Variants in OSBPL9 observed in about 807,000 individuals in gnomAD.
OSBPL9 encodes the protein oxysterol-binding protein-related protein 9.
Under a neutral mutation model 106.6 loss-of-function variants are expected in OSBPL9, and 40 were observed. The ratio of observed to expected loss-of-function variants is 0.38; its 90% confidence interval spans 0.29 to 0.49. The LOEUF is 0.49. Ranked by LOEUF, OSBPL9 falls within the 20% of genes least tolerant of loss-of-function variation. The pLI is 0.97. For synonymous variants in OSBPL9, 269 were observed against 295.4 expected, an observed-to-expected ratio of 0.91 and a Z score of 0.92; for missense variants, 609 against 887.2, an observed-to-expected ratio of 0.69 and a Z score of 3.98.
chr1:51,533,953 T>C, the OSBPL9 span, among the ~76,000 whole-genome samples: 1 of 150,072 alleles, frequency 6.7e-6, no homozygotes, highest in African/African-American at 2.5e-5. Context: ...ACACGTGTAA[T>C]CCCAGCACTT....
intron 2 of OSBPL9, among the ~76,000 whole-genome samples, chr1:51,656,143 T>C (rs564861909): frequency 6.6e-4 from 101 of 152,324 alleles, no homozygotes; most frequent in South Asian, 1.4e-3. Flanking sequence ...GACCTGGGGC[T>C]GAATTTTACT....
At chr1:51,749,593 G>T in intron 7 of OSBPL9, 1 of 358,132 alleles carries the variant, frequency 2.8e-6, no homozygotes. Flanking sequence ...TTACAGGTGT[G>T]AATCACCATA....
chr1:51,749,557 T>C (rs1196546203), intron 7 of OSBPL9: 1 of 405,814 alleles, frequency 2.5e-6, no homozygotes, highest in Admixed American at 2.4e-5. Flanking sequence ...GCGATCCTCC[T>C]TCCTTGGCCT....
At chr1:51,594,535 AC>A (rs1331509439) in intron 1 of OSBPL9, among the ~76,000 whole-genome samples, 1 of 152,224 alleles carries the variant, frequency 6.6e-6, no homozygotes, top group African/African-American at 2.4e-5. Context: ...AGGAGAAGGA[AC>A]AAACGTTTAC....
intron 3 of OSBPL9, among the ~76,000 whole-genome samples, chr1:51,691,272 A>ATTTTTTT (rs1358388118): frequency 6.9e-6 from 1 of 145,542 alleles, no homozygotes; most frequent in Non-Finnish European, 1.5e-5. Flanking sequence ...GCTTGCTGTA[A>ATTTTTTT]CTTTTTTTTT....
rs762419193 is a variant in OSBPL9, at chr1:51,782,599, A to T, written c.1469A>T (p.Asn490Ile). 6.2e-7 allele frequency: 1 copy of T among 1,614,112 alleles called. No individual in the cohort carries two copies. The highest frequency in any genetic ancestry group is 8.5e-7 in the Non-Finnish European group (1 of 1,179,982). The change falls in exon 17 of 24, where the codon AAC (asparagine) becomes ATC (isoleucine). Residue 490 changes from asparagine to isoleucine, a missense_variant. By Grantham distance (149) the Asn-to-Ile change is moderately radical. Coordinates refer to ENST00000428468, the MANE Select transcript of OSBPL9 (RefSeq NM_024586.6). Reference protein sequence around the residue: ...SEGPVPWVSKNSVTFVAEQVS... With the variant: ...SEGPVPWVSKISVTFVAEQVS... The stretch of plus-strand genomic sequence containing the variant: ...GGACCAGTTCCCTGGGTTTCCAAAA[A>T]CAGTGTAACATTTGTGGCTGAGCAG...
Position 51,617,288 on chromosome 1 carries a change from C to G in OSBPL9, c.111+67C>G. The G allele has an allele frequency of 2.7e-6, 4 of 1,487,396 alleles. No homozygotes were observed. The South Asian group carries it at 5.0e-5, about 18-fold the overall frequency. 92.1% of individuals were successfully genotyped at this position (1,487,396 alleles called of 1,614,324 possible). A position where few individuals can be genotyped will look rare whatever the true frequency, so the allele number is the denominator to read the frequency against. The stretch of plus-strand genomic sequence containing the variant: ...CGTTTCCTGGGTGGAGGTGGGGGAC[C>G]GGGGTTTTAGGTGGCTGAGTTGAGG... On this transcript the variant is annotated intron_variant, in intron 1 of 23. Coordinates refer to ENST00000428468, the MANE Select transcript of OSBPL9 (RefSeq NM_024586.6).
intron 20 of OSBPL9, 135 bp from the exon 21 acceptor site, chr1:51,785,673 T>A (rs1677443220): frequency 2.9e-6 from 2 of 683,318 alleles, no homozygotes; most frequent in South Asian, 3.7e-5. Flanking sequence ...GGGAGTCCAG[T>A]TCTGTTAAGA....
the OSBPL9 span, among the ~76,000 whole-genome samples, chr1:51,534,633 G>A: frequency 6.6e-6 from 1 of 152,208 alleles, no homozygotes; most frequent in African/African-American, 2.4e-5. Flanking sequence ...AGCCACAAGA[G>A]ACACAGCCTC....
chr1:51,602,628 G>A (rs1335005714), intron 2 of OSBPL9, among the ~76,000 whole-genome samples: 1 of 150,930 alleles, frequency 6.6e-6, no homozygotes, highest in African/African-American at 2.4e-5. Context: ...GAGGAGTGGG[G>A]CGGGGAGATG....
intron 4 of OSBPL9, among the ~76,000 whole-genome samples, chr1:51,731,728 G>A (rs1664476040): frequency 6.8e-6 from 1 of 147,216 alleles, no homozygotes; most frequent in Non-Finnish European, 1.5e-5. Context: ...AGTGAGCCGA[G>A]ATCGTGCCAC....
chr1:51,626,444 A>T (rs1644771274), intron 1 of OSBPL9, among the ~76,000 whole-genome samples: 1 of 152,074 alleles, frequency 6.6e-6, no homozygotes, highest in South Asian at 2.1e-4. Context: ...TATTATTATT[A>T]TTATGCAGTA....
Position 51,784,439 on chromosome 1 carries a change from C to T in OSBPL9, c.1689-3C>T. On this transcript the variant is annotated splice_region_variant and splice_polypyrimidine_tract_variant and intron_variant, in intron 19 of 23. Transcript: ENST00000428468. ...CCTTACCTAAAAACTTTTGATTTTG[C>T]AGGTCTATCCTCACAGTGCCCTGGG... 1 of 1,613,972 alleles carries T rather than the reference C, an allele frequency of 6.2e-7. No homozygotes were observed. Among genetic ancestry groups the T allele is most frequent in the East Asian group, 2.2e-5 (1 of 44,886 alleles).
chr1:51,578,377 ATT>A (rs1645198866), intron 1 of OSBPL9, among the ~76,000 whole-genome samples: 1 of 152,234 alleles, frequency 6.6e-6, no homozygotes, highest in Non-Finnish European at 1.5e-5. Context: ...ACCTGACACA[ATT>A]TAGGGTGTCT....
chr1:51,776,743 G>GTT (rs1046846277), intron 14 of OSBPL9, 90 bp from the exon 15 acceptor site: 1 of 818,562 alleles, frequency 1.2e-6, no homozygotes, highest in African/African-American at 1.7e-5. Flanking sequence ...GAATGAGGTG[G>GTT]TGTTTTGTTT....
intron 3 of OSBPL9, among the ~76,000 whole-genome samples, chr1:51,708,304 A>T (rs1659053809): frequency 7.5e-6 from 1 of 133,670 alleles, no homozygotes; most frequent in Non-Finnish European, 1.6e-5. Flanking sequence ...TTAAATTTCC[A>T]CTATGGTTAG....
chr1:51,545,262 G>A, the OSBPL9 span, among the ~76,000 whole-genome samples: 1 of 152,094 alleles, frequency 6.6e-6, no homozygotes, highest in Non-Finnish European at 1.5e-5. Context: ...AAGATGAGAT[G>A]GAAAGTCATT....
chr1:51,518,735 T>C, the OSBPL9 span, among the ~76,000 whole-genome samples: 3 of 151,870 alleles, frequency 2.0e-5, no homozygotes, highest in East Asian at 5.8e-4. Context: ...CAACTCCTAC[T>C]GGGGGCGGCG....
chr1:51,564,436 T>C, the OSBPL9 span, among the ~76,000 whole-genome samples: 5 of 152,278 alleles, frequency 3.3e-5, no homozygotes, highest in South Asian at 1.0e-3. Flanking sequence ...TATCCCAGTA[T>C]GCTCCCAGGC....
Sources: gnomAD v4.1 joint callset for allele counts (sites outside exome capture counted in the v4.1 genomes callset) on GRCh38, gnomAD v4.1.1 for gene constraint, MANE v1.5 for transcripts, NCBI Gene and HGNC (gene_info 2026-07-23, HGNC 2026-07-21) for gene names.